Variants in SBF2 observed in about 807,000 individuals in gnomAD.
SBF2 encodes myotubularin-related protein 13.
A neutral mutation model predicts 225.2 loss-of-function variants in SBF2; 112 were observed. The observed-to-expected ratio is 0.50, with a 90% CI of 0.43 to 0.58. SBF2 has a LOEUF of 0.58. Among genes scored for constraint, SBF2 ranks in the 20% least tolerant of loss-of-function variants. SBF2 has a pLI of 0.00. For synonymous variants in SBF2, 763 were observed against 773.3 expected (o/e 0.99, Z 0.22); for missense variants, 1,996 against 2,206.2 (o/e 0.90, Z 1.91).
intron 36 of SBF2, among the ~76,000 whole-genome samples, chr11:9,787,083 A>G (rs981465516): frequency 6.6e-6 from 1 of 152,056 alleles, no homozygotes; most frequent in African/African-American, 2.4e-5. Context: ...TTTAGTAGAG[A>G]CGGGGTTTCA....
chr11:9,830,752 A>AC (rs887120432), intron 27 of SBF2, among the ~76,000 whole-genome samples: 1 of 151,584 alleles, frequency 6.6e-6, no homozygotes, highest in Non-Finnish European at 1.5e-5. Flanking sequence ...AAACAAAAAA[A>AC]AAAAAACAAA....
At chr11:10,016,364 GT>G (rs1472433563) in intron 6 of SBF2, 1 of 152,074 alleles carries the variant, frequency 6.6e-6, no homozygotes, top group Non-Finnish European at 1.5e-5. Flanking sequence ...TAAAGGGTAA[GT>G]TTTTCATTAT....
chr11:9,830,660 A>G (rs967002066), intron 27 of SBF2, among the ~76,000 whole-genome samples: 1 of 151,716 alleles, frequency 6.6e-6, no homozygotes, highest in African/African-American at 2.4e-5. Context: ...GAATCGCTTG[A>G]ACCTTGGAGG....
At chr11:10,181,406 T>C (rs529150002) in intron 2 of SBF2, among the ~76,000 whole-genome samples, 8 of 152,238 alleles carry the variant, frequency 5.3e-5, no homozygotes, top group South Asian at 4.1e-4. Flanking sequence ...CTCTTTGGTT[T>C]TCTAAATCTT....
chr11:10,220,162 G>T (rs760182332), intron 1 of SBF2, among the ~76,000 whole-genome samples: 51 of 152,208 alleles, frequency 3.4e-4, no homozygotes, highest in Non-Finnish European at 6.6e-4. Context: ...AGGCAAAGGA[G>T]ATGCAAAGGA....
intron 1 of SBF2, among the ~76,000 whole-genome samples, chr11:10,239,206 T>A (rs1282131044): frequency 6.6e-6 from 1 of 150,454 alleles, no homozygotes; most frequent in Non-Finnish European, 1.5e-5. Flanking sequence ...CATACAAAAT[T>A]TTTACCAAAA....
chr11:9,816,853 TTTTCACCAAATATGTAAAGGGCTGC>T lies in SBF2; in HGVS notation c.3940_3964del (p.Ala1314SerfsTer4). On this transcript the variant is annotated frameshift_variant, in exon 29 of 40. Coordinates refer to ENST00000256190, the MANE Select transcript of SBF2 (RefSeq NM_030962.4). LOFTEE classifies it high-confidence loss of function. ...AAGAAATCTTACCCTTAGTTGCGACTTTTCACCAAATATGTAAAGGGCTGCTTGCCGTTTCAAGAGCTGGTTTTGT... is the reference window on the plus strand; with the variant it reads ...AAGAAATCTTACCCTTAGTTGCGACTTTGCCGTTTCAAGAGCTGGTTTTGT... 2 of 1,614,170 alleles carry T rather than the reference TTTTCACCAAATATGTAAAGGGCTGC, an allele frequency of 1.2e-6. No individual in the cohort carries two copies. Among genetic ancestry groups the T allele is most frequent in the Non-Finnish European group, 1.7e-6 (2 of 1,180,012 alleles).
chr11:10,187,776 T>G (rs915752656), intron 2 of SBF2, among the ~76,000 whole-genome samples: 7 of 152,196 alleles, frequency 4.6e-5, no homozygotes, highest in Admixed American at 1.3e-4. Flanking sequence ...TTCTATTATG[T>G]TAAGTTACTA....
chr11:10,013,429 G>A (rs1948529305), intron 6 of SBF2, among the ~76,000 whole-genome samples: 2 of 152,186 alleles, frequency 1.3e-5, no homozygotes, highest in African/African-American at 4.8e-5. Flanking sequence ...GCAGACTCCT[G>A]CTGTTTTTAC....
intron 1 of SBF2, among the ~76,000 whole-genome samples, chr11:10,278,589 C>T (rs1011057011): frequency 6.6e-6 from 1 of 151,654 alleles, no homozygotes; most frequent in Non-Finnish European, 1.5e-5. Flanking sequence ...GAGATCAGTC[C>T]GGCCAACATG....
At chr11:9,830,453 T>C (rs1383856491) in intron 27 of SBF2, among the ~76,000 whole-genome samples, 2 of 152,090 alleles carry the variant, frequency 1.3e-5, no homozygotes, top group African/African-American at 4.8e-5. Context: ...AAGATACTAG[T>C]TGTCAGCCAG....
At chr11:10,201,889 T>C (rs986096244) in intron 1 of SBF2, among the ~76,000 whole-genome samples, 4 of 152,198 alleles carry the variant, frequency 2.6e-5, no homozygotes, top group African/African-American at 9.6e-5. Context: ...AAAAAATGCA[T>C]TTTTAAGTTG....
chr11:10,138,714 A>C (rs901015609), intron 2 of SBF2, among the ~76,000 whole-genome samples: 1 of 152,058 alleles, frequency 6.6e-6, no homozygotes, highest in African/African-American at 2.4e-5. Context: ...CATACTGTTC[A>C]CTTTTCAAGT....
chr11:10,032,406 T>G (rs564758244), intron 3 of SBF2, among the ~76,000 whole-genome samples: 7 of 152,148 alleles, frequency 4.6e-5, no homozygotes, highest in Non-Finnish European at 8.8e-5. Context: ...TAGCCCCACT[T>G]TGCTTCCTTG....
chr11:9,891,100 C>T (rs1860770878), intron 17 of SBF2, among the ~76,000 whole-genome samples: 1 of 151,518 alleles, frequency 6.6e-6, no homozygotes, highest in East Asian at 1.9e-4. Flanking sequence ...TGCACCACTG[C>T]ACTCCAGCCT....
intron 2 of SBF2, among the ~76,000 whole-genome samples, chr11:10,160,523 G>A (rs1164289764): frequency 2.6e-5 from 4 of 152,088 alleles, no homozygotes; most frequent in African/African-American, 2.4e-5. Flanking sequence ...GAGGAATTAC[G>A]GCAGTACATA....
intron 16 of SBF2, among the ~76,000 whole-genome samples, chr11:9,938,018 C>G (rs1014832813): frequency 6.6e-6 from 1 of 150,440 alleles, no homozygotes; most frequent in African/African-American, 2.4e-5. Context: ...CAGGGTCGGG[C>G]ACGGTAGCTC....
At chr11:10,069,619 T>A (rs1052048671) in intron 2 of SBF2, among the ~76,000 whole-genome samples, 9 of 152,218 alleles carry the variant, frequency 5.9e-5, no homozygotes, top group African/African-American at 2.2e-4. Flanking sequence ...GCAATAAACA[T>A]ACATGTGCAT....
At chr11:9,879,413 G>T (rs1194694734) in intron 17 of SBF2, among the ~76,000 whole-genome samples, 2 of 151,914 alleles carry the variant, frequency 1.3e-5, no homozygotes, top group African/African-American at 4.8e-5. Context: ...CAAAGTCCTT[G>T]CCCTAAATGA....
Sources: allele counts gnomAD v4.1 joint callset (sites outside exome capture counted in the v4.1 genomes callset), GRCh38; gene constraint gnomAD v4.1.1; transcripts MANE v1.5; gene names NCBI Gene and HGNC (gene_info 2026-07-23, HGNC 2026-07-21).